PTPRO: variants seen among roughly 807,000 people sequenced by gnomAD.
The protein encoded by PTPRO is protein tyrosine phosphatase receptor type O, also known as receptor-type tyrosine-protein phosphatase O.
A neutral mutation model predicts 145.2 loss-of-function variants in PTPRO; 62 were observed. The observed-to-expected ratio is 0.43, with a 90% CI of 0.35 to 0.53. The LOEUF is 0.53. PTPRO is among the 20% of genes least tolerant of loss of function. The pLI is 0.01. For synonymous variants in PTPRO, 565 were observed against 514.7 expected (o/e 1.10, Z -1.32); for missense variants, 1,345 against 1,482.7 (o/e 0.91, Z 1.53).
At chr12:15,352,890 G>T (rs1478509203) in intron 1 of PTPRO, among the ~76,000 whole-genome samples, 1 of 152,104 alleles carries the variant, frequency 6.6e-6, no homozygotes, top group African/African-American at 2.4e-5. Context: ...TTATTGTACA[G>T]TACATTCCCA....
chr12:15,399,771 C>T lies in PTPRO; in HGVS notation c.75+76970C>T, dbSNP rs549050019. On this transcript the variant is annotated intron_variant, in intron 1 of 26. Transcript: ENST00000281171. Reference sequence around the variant, plus strand: ...GCATTCAGAATCAAAAGACCTTTGGCCCGGCACAGTGGCTCTCACCTGTAA... The same window carrying T: ...GCATTCAGAATCAAAAGACCTTTGGTCCGGCACAGTGGCTCTCACCTGTAA... 5.9e-5 allele frequency among the ~76,000 whole-genome samples: 9 copies of T among 152,024 alleles called. No individual in the cohort carries two copies. In the South Asian group the frequency reaches 1.7e-3, roughly 28 times the overall value.
chr12:15,568,311 T>C (rs1386978173), intron 18 of PTPRO, among the ~76,000 whole-genome samples: 1 of 152,148 alleles, frequency 6.6e-6, no homozygotes, highest in Non-Finnish European at 1.5e-5. Flanking sequence ...CTGCCTGTAG[T>C]CCCAGCTACT....
chr12:15,361,067 A>G (rs1367410965), intron 1 of PTPRO, among the ~76,000 whole-genome samples: 1 of 151,612 alleles, frequency 6.6e-6, no homozygotes, highest in Admixed American at 6.6e-5. Flanking sequence ...AAATTTGTAT[A>G]TATTGAAACA....
chr12:15,536,819 T>C (rs1485727979), intron 12 of PTPRO, among the ~76,000 whole-genome samples: 1 of 152,208 alleles, frequency 6.6e-6, no homozygotes, highest in Non-Finnish European at 1.5e-5. Context: ...CCAAAAGTGT[T>C]CCCGTGTGGA....
In PTPRO at chr12:15,322,905, C is replaced by A. The variant is rs962638651; in HGVS notation, c.75+104C>A. ...AGCGGCGCGCCCCAGGGCACGATGGCCCAGCCGCGGGAAGCGCCTGCCGTG... is the reference window on the plus strand; with the variant it reads ...AGCGGCGCGCCCCAGGGCACGATGGACCAGCCGCGGGAAGCGCCTGCCGTG... On this transcript the variant is annotated intron_variant, in intron 1 of 26. Coordinates refer to ENST00000281171, the MANE Select transcript of PTPRO (RefSeq NM_030667.3). The surrounding 1 kb of genome is among the most constrained non-coding windows in gnomAD (Gnocchi z 6.3). The A allele has an allele frequency of 8.5e-7, 1 of 1,182,548 alleles. No homozygotes were observed. The highest frequency in any genetic ancestry group is 2.7e-5 in the East Asian group (1 of 37,408). 73.3% of individuals were successfully genotyped at this position (1,182,548 alleles called of 1,614,324 possible).
At position 15,355,472 on chromosome 12, in the gene PTPRO, C is replaced by A. The variant is rs1259494514; in HGVS notation, c.75+32671C>A. On this transcript the variant is annotated intron_variant, in intron 1 of 26. Coordinates refer to ENST00000281171, the MANE Select transcript of PTPRO (RefSeq NM_030667.3). ...ATTTTAGTTCCCACTATGAAGAAAACCCTTCCAGCATGTAAATGCAATGCT... is the reference window on the plus strand; with the variant it reads ...ATTTTAGTTCCCACTATGAAGAAAAACCTTCCAGCATGTAAATGCAATGCT... 2.6e-5 allele frequency among the ~76,000 whole-genome samples: 4 copies of A among 152,320 alleles called. No homozygotes were observed. The South Asian group carries it at 8.3e-4, about 32-fold the overall frequency.
At chr12:15,344,698 C>T (rs969262882) in intron 1 of PTPRO, among the ~76,000 whole-genome samples, 2 of 152,148 alleles carry the variant, frequency 1.3e-5, no homozygotes, top group African/African-American at 4.8e-5. Flanking sequence ...GATCTGAATT[C>T]AATGTCGTCT....
chr12:15,511,552 T>TTTTG (rs780078127), intron 7 of PTPRO, among the ~76,000 whole-genome samples: 17 of 152,290 alleles, frequency 1.1e-4, no homozygotes, highest in South Asian at 4.1e-4. Context: ...AATGGCATAT[T>TTTTG]TTTGTTTGTT....
At chr12:15,506,299 T>C (rs1942320179) in intron 6 of PTPRO, among the ~76,000 whole-genome samples, 1 of 152,142 alleles carries the variant, frequency 6.6e-6, no homozygotes. Flanking sequence ...TTAATCAGAT[T>C]TTCAAAAGCA....
At position 15,322,764 on chromosome 12, in the gene PTPRO, G is replaced by T; in HGVS notation, c.38G>T (p.Arg13Leu). 6.2e-7 allele frequency: 1 copy of T among 1,612,710 alleles called. No individual in the cohort carries two copies. The highest frequency in any genetic ancestry group is 1.1e-5 in the South Asian group (1 of 91,008). The change falls in exon 1 of 27, where the codon CGC becomes CTC. Residue 13 changes from arginine to leucine, a missense_variant. Transcript: ENST00000281171. This position sits in a 1 kb window ranked among gnomAD's most constrained non-coding sequence, Gnocchi z 6.3. ...CCCACGGGGATACACGGCGCCCGCC[G>T]CCTCCTGCCTCTGCTCTGGCTCTTT... ...HLPTGIHGAR[R>L]LLPLLWLFVL...
intron 3 of PTPRO, 104 bp from the exon 4 acceptor site, chr12:15,499,338 A>T: frequency 8.4e-7 from 1 of 1,187,906 alleles, no homozygotes; most frequent in East Asian, 2.4e-5. Context: ...TAGTTGAAGG[A>T]AATATTATTT....
At chr12:15,438,601 G>A (rs1940666770) in intron 1 of PTPRO, among the ~76,000 whole-genome samples, 1 of 151,804 alleles carries the variant, frequency 6.6e-6, no homozygotes, top group South Asian at 2.1e-4. Context: ...CCAAGCAGAA[G>A]AAAGAATTTC....
chr12:15,458,487 A>T (rs1941229504), intron 1 of PTPRO, among the ~76,000 whole-genome samples: 1 of 151,808 alleles, frequency 6.6e-6, no homozygotes, highest in South Asian at 2.1e-4. Flanking sequence ...AGGCCACTTG[A>T]TGGTGCCCTA....
rs763723552 is a variant in PTPRO, at chr12:15,469,768, C to CCA, written c.76-14206_76-14205insCA. Among the ~76,000 whole-genome samples the CCA allele has an allele frequency of 9.3e-4, 103 of 110,388 alleles. 1 individual carries two copies. The highest frequency in any genetic ancestry group is 5.2e-3 in the South Asian group (17 of 3,294). 72.4% of individuals were successfully genotyped at this position (110,388 alleles called of 152,430 possible). A position where few individuals can be genotyped will look rare whatever the true frequency, so the allele number is the denominator to read the frequency against. ...AGGAATCATGGCGTTAGTGTCCTGA[C>CCA]AAAAAAAAAAAAAAAAAAATACAGC... On this transcript the variant is annotated intron_variant, in intron 1 of 26. Coordinates refer to ENST00000281171, the MANE Select transcript of PTPRO (RefSeq NM_030667.3).
At position 15,524,810 on chromosome 12, in the gene PTPRO, G is replaced by A; in HGVS notation, c.1892-4G>A. ...CTAAATTGTGCCTCGTTTCTCCCTT[G>A]TAGCCCCAGTGGCTCCGGAAATCAC... On this transcript the variant is annotated splice_polypyrimidine_tract_variant and splice_region_variant and intron_variant, in intron 10 of 26. Coordinates refer to ENST00000281171, the MANE Select transcript of PTPRO (RefSeq NM_030667.3). The A allele has an allele frequency of 6.2e-7, 1 of 1,611,884 alleles. No individual in the cohort carries two copies. The highest frequency in any genetic ancestry group is 8.5e-7 in the Non-Finnish European group (1 of 1,178,080).
chr12:15,332,539 T>C (rs554438108), intron 1 of PTPRO, among the ~76,000 whole-genome samples: 2 of 152,364 alleles, frequency 1.3e-5, no homozygotes, highest in African/African-American at 2.4e-5. Context: ...CCATACATTT[T>C]AACATCATTT....
At chr12:15,484,836 T>C (rs780290615) in intron 2 of PTPRO, among the ~76,000 whole-genome samples, 1 of 152,148 alleles carries the variant, frequency 6.6e-6, no homozygotes, top group African/African-American at 2.4e-5. Context: ...AAGGCTGACA[T>C]TGGGAAATTT....
At chr12:15,341,188 AT>A (rs1866970147) in intron 1 of PTPRO, among the ~76,000 whole-genome samples, 1 of 152,214 alleles carries the variant, frequency 6.6e-6, no homozygotes. Flanking sequence ...TTAACTCTTA[AT>A]ACACAATTAA....
chr12:15,340,810 T>A (rs560150373), intron 1 of PTPRO, among the ~76,000 whole-genome samples: 1 of 152,268 alleles, frequency 6.6e-6, no homozygotes, highest in South Asian at 2.1e-4. Flanking sequence ...ACACCTCAGA[T>A]TGGCCTTTCC....
Sources: allele counts gnomAD v4.1 joint callset (sites outside exome capture counted in the v4.1 genomes callset), GRCh38; gene constraint gnomAD v4.1.1; non-coding constraint Gnocchi (gnomAD v3.1); transcripts MANE v1.5; gene names NCBI Gene and HGNC (gene_info 2026-07-23, HGNC 2026-07-21).